The following ZSWIM2 variants were observed in gnomAD, a reference collection of about 807,000 sequenced individuals.
ZSWIM2 encodes E3 ubiquitin-protein ligase ZSWIM2.
Under a neutral mutation model 48.4 loss-of-function variants are expected in ZSWIM2, and 38 were observed. The ratio of observed to expected loss-of-function variants is 0.79; its 90% CI spans 0.61 to 1.03. ZSWIM2 has a LOEUF of 1.03. Among genes scored for constraint, ZSWIM2 ranks in the 50% least tolerant of loss-of-function variants. The pLI is 0.00. For missense variants in ZSWIM2, 776 were observed against 730.2 expected, an observed-to-expected ratio of 1.06 and a Z score of -0.72; for synonymous variants, 240 against 251.3, an observed-to-expected ratio of 0.96 and a Z score of 0.42.
intron 7 of ZSWIM2, among the ~76,000 whole-genome samples, chr2:186,832,285 T>G (rs1380684123): frequency 7.2e-6 from 1 of 139,444 alleles, no homozygotes; most frequent in Non-Finnish European, 1.6e-5. Flanking sequence ...CCGCTAATTT[T>G]TTTTTGTTTT....
At position 186,849,113 on chromosome 2, in the gene ZSWIM2, A is replaced by G. The variant is rs1304781954; in HGVS notation, c.18T>C (p.Tyr6=). MLRRG[Y]KASERRRHLS... ...AGTGTCTTCGCCTTTCAGAGGCCTT[A>G]TAGCCTCGGCGAAGCATGCTGGGTG... Residue 6 remains tyrosine, a synonymous_variant, in exon 1 of 9, where the codon TAT becomes TAC. Coordinates refer to ENST00000295131, the MANE Select transcript of ZSWIM2 (RefSeq NM_182521.3). 1 of 1,612,392 alleles carries G rather than the reference A, an allele frequency of 6.2e-7. No homozygotes were observed. Among genetic ancestry groups the G allele is most frequent in the East Asian group, 2.2e-5 (1 of 44,834 alleles).
At chr2:186,841,578 G>A (rs1173366247) in intron 3 of ZSWIM2, among the ~76,000 whole-genome samples, 1 of 151,192 alleles carries the variant, frequency 6.6e-6, no homozygotes, top group African/African-American at 2.4e-5. Context: ...AGAACAAAAA[G>A]CTTCACGTAC....
At position 186,829,856 on chromosome 2, in the gene ZSWIM2, A is replaced by G; in HGVS notation, c.966T>C (p.Ile322=). Reference sequence around the variant, plus strand: ...TCAGTTGGAGAGGCAGTGATCTTACAATGTGTTTTGGTGTGTAAACTTGGC... The same window carrying G: ...TCAGTTGGAGAGGCAGTGATCTTACGATGTGTTTTGGTGTGTAAACTTGGC... The part of the protein sequence containing the change: ...KQGQVYTPKH[I]VRSLPLQLIT... The change falls in exon 8 of 9, where the codon ATT becomes ATC. Residue 322 remains isoleucine (I), a synonymous_variant. Transcript: ENST00000295131. The G allele has an allele frequency of 6.2e-7, 1 of 1,613,648 alleles. No individual in the cohort carries two copies. The highest frequency in any genetic ancestry group is 8.5e-7 in the Non-Finnish European group (1 of 1,179,746).
intron 7 of ZSWIM2, among the ~76,000 whole-genome samples, chr2:186,832,622 T>G (rs545858247): frequency 8.5e-5 from 13 of 152,288 alleles, no homozygotes; most frequent in Admixed American, 3.3e-4. Flanking sequence ...AATGCAAATT[T>G]CAAATATCTT....
chr2:186,835,570 TA>T (rs1022908311), intron 5 of ZSWIM2, among the ~76,000 whole-genome samples: 45 of 152,108 alleles, frequency 3.0e-4, no homozygotes, highest in Non-Finnish European at 6.0e-4. Context: ...TATGCTGGGC[TA>T]AAAAAAGTTA....
In ZSWIM2 at chr2:186,837,433, G is replaced by A. The variant is rs1356739574; in HGVS notation, c.616C>T (p.Leu206=). Reference sequence around the variant, plus strand: ...GAGTTTTTGAATTCCTCCAAAATCAGTTTTAATGGTGCAAACTCTTTCCTG... The same window carrying A: ...GAGTTTTTGAATTCCTCCAAAATCAATTTTAATGGTGCAAACTCTTTCCTG... The part of the protein sequence containing the change: ...LCRKEFAPLK[L]ILEEFKNSSK... Residue 206 remains leucine (L), a synonymous_variant, in exon 5 of 9, where the codon CTG becomes TTG. Transcript: ENST00000295131. 1 of 1,612,626 alleles carries A rather than the reference G, an allele frequency of 6.2e-7. No individual in the cohort carries two copies.
At chr2:186,828,863 A>C (rs555524063) in intron 8 of ZSWIM2, 73 bp from the exon 9 acceptor site, 2 of 900,464 alleles carry the variant, frequency 2.2e-6, no homozygotes, top group Middle Eastern at 3.6e-4. Flanking sequence ...AATTTCCCCC[A>C]GTTTCATAAT....
chr2:186,828,294 G>A lies in ZSWIM2; in HGVS notation c.1592C>T (p.Pro531Leu). The change falls in exon 9 of 9, where the codon CCA (proline) becomes CTA (leucine). Residue 531 changes from proline to leucine, a missense_variant. Transcript: ENST00000295131. ...AGTGTGAAATTTTCCACTGATGCAT[G>A]GACTTTCCATTGCAGTGGGACACAC... is the stretch of plus-strand genomic sequence containing the variant. ...NIVCPTAMESPCISGKFHTSL... is the reference protein window; with the variant it reads ...NIVCPTAMESLCISGKFHTSL... 3.7e-6 allele frequency: 6 copies of A among 1,613,640 alleles called. No homozygotes were observed. The highest frequency in any genetic ancestry group is 4.2e-6 in the Non-Finnish European group (5 of 1,179,804).
chr2:186,837,581 C>T (rs962392785), intron 4 of ZSWIM2, 27 bp from the exon 5 acceptor site: 1 of 1,580,308 alleles, frequency 6.3e-7, no homozygotes, highest in Non-Finnish European at 8.6e-7. Flanking sequence ...TGAAGTTTAC[C>T]ATTTGTATAG....
chr2:186,839,073 T>C lies in ZSWIM2; in HGVS notation c.380A>G (p.Asn127Ser), dbSNP rs1363151938. The C allele has an allele frequency of 6.2e-7, 1 of 1,611,974 alleles. No individual in the cohort carries two copies. The highest frequency in any genetic ancestry group is 1.7e-5 in the Admixed American group (1 of 59,868). ...QTPQPGTNDENEHVEEDGYIK... is the reference protein window; with the variant it reads ...QTPQPGTNDESEHVEEDGYIK... ...GTACCCATCTTCTTCAACATGTTCA[T>C]TTTCGTCATTTGTTCCTGGTTGGGG... Residue 127 changes from asparagine (N) to serine (S), a missense_variant, in exon 4 of 9, where the codon AAT becomes AGT. Transcript: ENST00000295131.
chr2:186,830,760 A>T (rs1691684986), intron 7 of ZSWIM2, among the ~76,000 whole-genome samples: 1 of 152,162 alleles, frequency 6.6e-6, no homozygotes, highest in Non-Finnish European at 1.5e-5. Flanking sequence ...GACATAACTA[A>T]GATGGTATAC....
intron 2 of ZSWIM2, among the ~76,000 whole-genome samples, chr2:186,847,473 A>G (rs999882910): frequency 6.6e-6 from 1 of 152,132 alleles, no homozygotes; most frequent in Non-Finnish European, 1.5e-5. Context: ...ATGAGAATCT[A>G]AAATTGATTT....
Position 186,833,980 on chromosome 2 carries a change from C to G in ZSWIM2, c.794G>C (p.Cys265Ser). Residue 265 changes from cysteine (C) to serine (S), a missense_variant, in exon 6 of 9, where the codon TGC becomes TCC. Physicochemically the swap from Cys to Ser is moderately radical, Grantham distance 112. Transcript: ENST00000295131. Reference protein sequence around the residue: ...YHLCQECFDSCCHLSHTFTFR... With the variant: ...YHLCQECFDSSCHLSHTFTFR... ...TGTAAACGTGTGGGAAAGATGGCAG[C>G]AGCTATCAAAACATTCCTGGCATAA... 6.2e-7 allele frequency: 1 copy of G among 1,612,814 alleles called. No individual in the cohort carries two copies.
chr2:186,849,044 G>C lies in ZSWIM2; in HGVS notation c.87C>G (p.Ser29Arg). ...LSWHQDQALS[S>R]SIYLLREMGP... The stretch of plus-strand genomic sequence containing the variant: ...CCATCTCTCGTAGGAGGTAGATGCT[G>C]CTACTCAGCGCCTGGTCTTGGTGCC... The change falls in exon 1 of 9, where the codon AGC (serine) becomes AGG (arginine). Residue 29 changes from serine (S) to arginine (R), a missense_variant. By Grantham distance (110) the Ser-to-Arg change is moderately radical. Transcript: ENST00000295131. The C allele has an allele frequency of 6.2e-7, 1 of 1,614,198 alleles. No individual in the cohort carries two copies. The highest frequency in any genetic ancestry group is 8.5e-7 in the Non-Finnish European group (1 of 1,180,040).
At chr2:186,837,583 T>G (rs1691816670) in intron 4 of ZSWIM2, 29 bp from the exon 5 acceptor site, 5 of 1,577,384 alleles carry the variant, frequency 3.2e-6, no homozygotes, top group Non-Finnish European at 4.3e-6. Context: ...AAGTTTACCA[T>G]TTGTATAGAG....
rs989037045 is a variant in ZSWIM2, at chr2:186,847,673, C to T, written c.242+46G>A. On this transcript the variant is annotated intron_variant, in intron 2 of 8. Coordinates refer to ENST00000295131, the MANE Select transcript of ZSWIM2 (RefSeq NM_182521.3). ...TGACAAAGGCAAAATATTTAACACACCAAGATGTTCCTTCATGGAAGATCT... is the reference window on the plus strand; with the variant it reads ...TGACAAAGGCAAAATATTTAACACATCAAGATGTTCCTTCATGGAAGATCT... 1.8e-5 allele frequency: 26 copies of T among 1,426,734 alleles called. No individual in the cohort carries two copies. The African/African-American group carries it at 3.2e-4, about 17-fold the overall frequency. 88.4% of individuals were successfully genotyped at this position (1,426,734 alleles called of 1,614,324 possible). A position where few individuals can be genotyped will look rare whatever the true frequency, so the allele number is the denominator to read the frequency against.
In ZSWIM2 at chr2:186,828,230, G is replaced by A. The variant is rs768307970; in HGVS notation, c.1656C>T (p.Asn552=). Residue 552 remains asparagine, a synonymous_variant, in exon 9 of 9, where the codon AAC becomes AAT. Coordinates refer to ENST00000295131, the MANE Select transcript of ZSWIM2 (RefSeq NM_182521.3). The stretch of plus-strand genomic sequence containing the variant: ...TGGCAGGAGTCTTCTTTAGGTTGTG[G>A]TTATTACATTTACAGCCTTTGGTCA... ...SRMTKGCKCN[N]HNLKKTPATK... The A allele has an allele frequency of 2.5e-6, 4 of 1,613,496 alleles. No homozygotes were observed. The highest frequency in any genetic ancestry group is 1.7e-4 in the Middle Eastern group (1 of 6,050).
chr2:186,828,914 T>C, intron 8 of ZSWIM2, 124 bp from the exon 9 acceptor site: 2 of 576,724 alleles, frequency 3.5e-6, no homozygotes, highest in Admixed American at 3.8e-5. Flanking sequence ...AAAATAATTA[T>C]TTATCAAGTT....
At chr2:186,841,353 T>TCTTC (rs71017346) in intron 3 of ZSWIM2, among the ~76,000 whole-genome samples, 14 of 96 alleles carry the variant, frequency 0.15, no homozygotes, top group African/African-American at 0.24. Context: ...GCTGTTAATA[T>TCTTC]CTTTGTATGC....
Sources: allele counts gnomAD v4.1 joint callset (sites outside exome capture counted in the v4.1 genomes callset), GRCh38; gene constraint gnomAD v4.1.1; transcripts MANE v1.5; gene names NCBI Gene and HGNC (gene_info 2026-07-23, HGNC 2026-07-21).